Variants in IGFALS observed in about 807,000 individuals in gnomAD.
IGFALS encodes insulin-like growth factor-binding protein complex acid labile subunit.
Under a neutral mutation model 2.6 loss-of-function variants are expected in IGFALS, and 2 were observed. The ratio of observed to expected loss-of-function variants is 0.77; its 90% CI spans 0.32 to 2.44. The LOEUF (loss-of-function observed/expected upper bound fraction) is 2.44, where lower values mean the gene tolerates loss of function less well. Among genes scored for constraint, IGFALS ranks in the 30% most tolerant of loss-of-function variants. IGFALS has a pLI of 0.11. For synonymous variants in IGFALS, 519 were observed against 431.9 expected (o/e 1.20, Z -2.50); for missense variants, 996 against 848.7 (o/e 1.17, Z -2.16).
In IGFALS at chr16:1,791,365, C is replaced by A; in HGVS notation, c.1053G>T (p.Gln351His). The change falls in exon 2 of 2, where the codon CAG becomes CAT. Residue 351 changes from glutamine to histidine, a missense_variant. Physicochemically the swap from Gln to His is conservative, Grantham distance 24 (BLOSUM62 0). Transcript: ENST00000215539. The stretch of plus-strand genomic sequence containing the variant: ...CGAGGAAAGCGCCCGCCTTGACCTC[C>A]TGGAGCTGGTTGTGGTCTAGCGTGA... The part of the protein sequence containing the change: ...EVLTLDHNQL[Q>H]EVKAGAFLGL... The A allele has an allele frequency of 6.2e-7, 1 of 1,609,172 alleles. No homozygotes were observed. Among genetic ancestry groups the A allele is most frequent in the South Asian group, 1.1e-5 (1 of 91,084 alleles).
Position 1,793,701 on chromosome 16 carries a change from G to C in IGFALS, c.-49C>G. On this transcript the variant is annotated 5_prime_UTR_variant, in exon 1 of 2. Transcript: ENST00000215539. Reference sequence around the variant, plus strand: ...GCAGGCAGCGAGGGAGGGTACGTCTGCTGTGCCGGCCACCCCTGCCCTCTG... The same window carrying C: ...GCAGGCAGCGAGGGAGGGTACGTCTCCTGTGCCGGCCACCCCTGCCCTCTG... 1 of 1,551,248 alleles carries C rather than the reference G, an allele frequency of 6.4e-7. No homozygotes were observed. The highest frequency in any genetic ancestry group is 8.7e-7 in the Non-Finnish European group (1 of 1,143,940).
chr16:1,792,388 C>T lies in IGFALS; in HGVS notation c.30G>A (p.Leu10=), dbSNP rs1201746284. Residue 10 remains leucine, a synonymous_variant, in exon 2 of 2, where the codon CTG becomes CTA. Transcript: ENST00000215539. MALRKGGLA[L]ALLLLSWVAL... Reference sequence around the variant, plus strand: ...CCACCCAGGACAGCAGCAGCAGCGCCAGGGCCAGGCCTCCTGCGGGGGGAG... The same window carrying T: ...CCACCCAGGACAGCAGCAGCAGCGCTAGGGCCAGGCCTCCTGCGGGGGGAG... 1 of 1,572,980 alleles carries T rather than the reference C, an allele frequency of 6.4e-7. No individual in the cohort carries two copies. The highest frequency in any genetic ancestry group is 8.6e-7 in the Non-Finnish European group (1 of 1,163,520).
intron 1 of IGFALS, among the ~76,000 whole-genome samples, chr16:1,792,761 G>C (rs1364309638): frequency 6.6e-6 from 1 of 152,260 alleles, no homozygotes; most frequent in Non-Finnish European, 1.5e-5. Context: ...CGTTGGCCTA[G>C]AGGAAGGGGA....
In IGFALS at chr16:1,791,569, C is replaced by T; in HGVS notation, c.849G>A (p.Glu283=). 6.4e-7 allele frequency: 1 copy of T among 1,565,540 alleles called. No homozygotes were observed. Among genetic ancestry groups the T allele is most frequent in the Non-Finnish European group, 8.6e-7 (1 of 1,157,134 alleles). ...LSHNRVAGLL[E]DTFPGLLGLR... ...GGCCCAGCAGACCGGGGAACGTGTC[C>T]TCCAGGAGGCCAGCCACGCGGTTGT... Residue 283 remains glutamate (E), a synonymous_variant, in exon 2 of 2, where the codon GAG becomes GAA. Coordinates refer to ENST00000215539, the MANE Select transcript of IGFALS (RefSeq NM_004970.3).
intron 1 of IGFALS, chr16:1,792,606 GC>G: frequency 3.2e-6 from 3 of 930,038 alleles, no homozygotes; most frequent in Non-Finnish European, 4.6e-6. Context: ...AGGAGTGGCC[GC>G]CCCGCCCCGC....
chr16:1,791,873 A>G lies in IGFALS; in HGVS notation c.545T>C (p.Leu182Pro). The G allele has an allele frequency of 1.9e-6, 3 of 1,561,476 alleles. No homozygotes were observed. Among genetic ancestry groups the G allele is most frequent in the Non-Finnish European group, 1.7e-6 (2 of 1,154,204 alleles). ...LWDLNLGWNS[L>P]AVLPDAAFRG... ...GAACGCCGCATCGGGGAGCACCGCC[A>G]GGCTATTCCAGCCGAGGTTGAGGTC... The change falls in exon 2 of 2, where the codon CTG becomes CCG. Residue 182 changes from leucine to proline, a missense_variant. Coordinates refer to ENST00000215539, the MANE Select transcript of IGFALS (RefSeq NM_004970.3).
Position 1,791,019 on chromosome 16 carries a change from G to C in IGFALS, c.1399C>G (p.Arg467Gly). Reference sequence around the variant, plus strand: ...GCCGGCAGCTCTGCCAGGCGGTTGCGGGAGAGCAGCAGGTACTCCAGCTTG... The same window carrying C: ...GCCGGCAGCTCTGCCAGGCGGTTGCCGGAGAGCAGCAGGTACTCCAGCTTG... ...LGKLEYLLLS[R>G]NRLAELPADA... Residue 467 changes from arginine (R) to glycine (G), a missense_variant, in exon 2 of 2, where the codon CGC (arginine) becomes GGC (glycine). Arg to Gly is a moderately radical substitution (Grantham distance 125). Transcript: ENST00000215539. The C allele has an allele frequency of 6.3e-7, 1 of 1,598,288 alleles. No homozygotes were observed.
Position 1,790,448 on chromosome 16 carries a change from G to GC in IGFALS, c.*151dup. 1 of 718,920 alleles carries GC rather than the reference G, an allele frequency of 1.4e-6. No homozygotes were observed. The highest frequency in any genetic ancestry group is 2.5e-6 in the Non-Finnish European group (1 of 405,432). The allele number at this position is 718,920 out of a possible 1,614,324, so 44.5% of individuals were successfully genotyped here. A position where few individuals can be genotyped will look rare whatever the true frequency, so the allele number is the denominator to read the frequency against. ...TTGCCTTTGCCTTTAATTGATGACA[G>GC]CTGGGGGGGCCGCCATGCCTTCCAC... On this transcript the variant is annotated 3_prime_UTR_variant, in exon 2 of 2. Coordinates refer to ENST00000215539, the MANE Select transcript of IGFALS (RefSeq NM_004970.3).
chr16:1,790,781 G>A lies in IGFALS; in HGVS notation c.1637C>T (p.Ala546Val), dbSNP rs202125685. 4.7e-5 allele frequency: 75 copies of A among 1,579,600 alleles called. No homozygotes were observed. The African/African-American group carries it at 7.5e-4, about 16-fold the overall frequency. ...NPWDCGCPLK[A>V]LRDFALQNPS... ...GTTCTGCAGGGCGAAGTCCCGCAGC[G>A]CCTTGAGAGGGCAGCCACAGTCCCA... The change falls in exon 2 of 2, where the codon GCG (alanine) becomes GTG (valine). Residue 546 changes from alanine (A) to valine (V), a missense_variant. Ala to Val is a moderately conservative substitution (Grantham distance 64, BLOSUM62 0). Transcript: ENST00000215539.
In IGFALS at chr16:1,792,012, T is replaced by A. The variant is rs762046526; in HGVS notation, c.406A>T (p.Ser136Cys). 1 of 1,609,578 alleles carries A rather than the reference T, an allele frequency of 6.2e-7. No homozygotes were observed. ...HLHLERNQLR[S>C]LALGTFAHTP... ...TGTGCAAACGTGCCGAGTGCCAGGC[T>A]GCGCAGCTGGTTCCGCTCCAGGTGC... The change falls in exon 2 of 2, where the codon AGC becomes TGC. Residue 136 changes from serine (S) to cysteine (C), a missense_variant. Transcript: ENST00000215539.
rs758059640 is a variant in IGFALS, at chr16:1,790,981, G to T, written c.1437C>A (p.Gly479=). 1 of 1,597,186 alleles carries T rather than the reference G, an allele frequency of 6.3e-7. No homozygotes were observed. Among genetic ancestry groups the T allele is most frequent in the Non-Finnish European group, 8.5e-7 (1 of 1,179,288 alleles). ...RLAELPADAL[G]PLQRAFWLDV... ...CCAGCCAGAAGGCCCGCTGCAGGGG[G>T]CCCAGGGCGTCCGCCGGCAGCTCTG... Residue 479 remains glycine (G), a synonymous_variant, in exon 2 of 2, where the codon GGC becomes GGA. Coordinates refer to ENST00000215539, the MANE Select transcript of IGFALS (RefSeq NM_004970.3).
intron 1 of IGFALS, among the ~76,000 whole-genome samples, chr16:1,792,959 G>C (rs1318162263): frequency 2.0e-5 from 3 of 152,324 alleles, no homozygotes; most frequent in South Asian, 2.1e-4. Context: ...GAGGGGACCG[G>C]GGCACCGCCG....
chr16:1,794,794 C>G, upstream of IGFALS: 1 of 699,292 alleles, frequency 1.4e-6, no homozygotes, highest in Middle Eastern at 2.5e-4. Context: ...CTCGGGGAGA[C>G]CACAGTTTTC....
In IGFALS at chr16:1,791,955, T is replaced by C; in HGVS notation, c.463A>G (p.Asn155Asp). ...TCCTCCAGCCTGCTCAGACGGTTGTTGCTGAGGCCGAGCGAGGCCAGCGCG... is the reference window on the plus strand; with the variant it reads ...TCCTCCAGCCTGCTCAGACGGTTGTCGCTGAGGCCGAGCGAGGCCAGCGCG... ...TPALASLGLS[N>D]NRLSRLEDGL... Residue 155 changes from asparagine to aspartate, a missense_variant, in exon 2 of 2, where the codon AAC becomes GAC. Asn to Asp is a conservative substitution (Grantham distance 23). Transcript: ENST00000215539. 6.3e-7 allele frequency: 1 copy of C among 1,596,166 alleles called. No homozygotes were observed. The highest frequency in any genetic ancestry group is 8.5e-7 in the Non-Finnish European group (1 of 1,173,224).
In IGFALS at chr16:1,792,355, G is replaced by A. The variant is rs757389127; in HGVS notation, c.63C>T (p.Gly21=). 9.4e-6 allele frequency: 15 copies of A among 1,589,648 alleles called. No homozygotes were observed. The highest frequency in any genetic ancestry group is 1.1e-5 in the Non-Finnish European group (13 of 1,173,292). Residue 21 remains glycine, a synonymous_variant, in exon 2 of 2, where the codon GGC becomes GGT. Coordinates refer to ENST00000215539, the MANE Select transcript of IGFALS (RefSeq NM_004970.3). ...ALLLLSWVAL[G]PRSLEGADPG... The stretch of plus-strand genomic sequence containing the variant: ...GGTCTGCTCCCTCCAGGCTGCGGGG[G>A]CCCAGTGCCACCCAGGACAGCAGCA...
chr16:1,794,589 T>C (rs2745206), upstream of IGFALS, among the ~76,000 whole-genome samples: 105,587 of 152,070 alleles, frequency 0.69, 36,895 homozygotes, highest in Middle Eastern at 0.79. Flanking sequence ...GGCCCCTGGT[T>C]CCCCTCCACC....
chr16:1,793,697 G>C lies in IGFALS; in HGVS notation c.-45C>G. The C allele has an allele frequency of 6.4e-7, 1 of 1,563,866 alleles. No homozygotes were observed. Among genetic ancestry groups the C allele is most frequent in the Non-Finnish European group, 8.7e-7 (1 of 1,152,538 alleles). On this transcript the variant is annotated 5_prime_UTR_variant, in exon 1 of 2. Coordinates refer to ENST00000215539, the MANE Select transcript of IGFALS (RefSeq NM_004970.3). ...GCAGGCAGGCAGCGAGGGAGGGTAC[G>C]TCTGCTGTGCCGGCCACCCCTGCCC...
chr16:1,794,277 C>G (rs1897290010), upstream of IGFALS, among the ~76,000 whole-genome samples: 1 of 152,176 alleles, frequency 6.6e-6, no homozygotes, highest in African/African-American at 2.4e-5. Context: ...TCCCGTGACC[C>G]CAGGGGCGCT....
chr16:1,794,560 G>A (rs2473466), upstream of IGFALS, among the ~76,000 whole-genome samples: 76,625 of 152,016 alleles, frequency 0.5, 20,476 homozygotes, highest in Middle Eastern at 0.69. Flanking sequence ...CCTGGGCTCC[G>A]TCTCCACCTG....
Sources: gnomAD v4.1 joint callset for allele counts (sites outside exome capture counted in the v4.1 genomes callset) on GRCh38, gnomAD v4.1.1 for gene constraint, MANE v1.5 for transcripts, NCBI Gene and HGNC (gene_info 2026-07-23, HGNC 2026-07-21) for gene names.